The following DLG2 variants were observed in gnomAD, a reference collection of about 807,000 sequenced individuals.
DLG2 encodes disks large homolog 2.
In DLG2, 45 loss-of-function variants were observed where a neutral mutation model predicts 132.5. The ratio of observed to expected loss-of-function variants is 0.34; its 90% CI spans 0.27 to 0.44. DLG2 has a LOEUF of 0.44. Among genes scored for constraint, DLG2 ranks in the 20% least tolerant of loss-of-function variants. DLG2 has a pLI of 1.00. For missense variants in DLG2, 1,045 were observed against 1,196.9 expected (o/e 0.87, Z 1.87); for synonymous variants, 424 against 419.6 (o/e 1.01, Z -0.13).
At chr11:84,502,593 T>G (rs1485746897) in intron 7 of DLG2, among the ~76,000 whole-genome samples, 2 of 151,476 alleles carry the variant, frequency 1.3e-5, no homozygotes, top group East Asian at 3.9e-4. Flanking sequence ...AGATGGTGTT[T>G]CACCATGTTG....
At chr11:84,330,363 A>G (rs185258828) in intron 7 of DLG2, among the ~76,000 whole-genome samples, 34 of 152,320 alleles carry the variant, frequency 2.2e-4, no homozygotes, top group African/African-American at 7.2e-4. Context: ...CAGTATATTG[A>G]CTACTTACAA....
intron 18 of DLG2, among the ~76,000 whole-genome samples, chr11:83,646,387 A>AAGGG (rs1177100090): frequency 6.7e-6 from 1 of 149,678 alleles, no homozygotes; most frequent in African/African-American, 2.6e-5. Flanking sequence ...GGAAGGAAGG[A>AAGGG]AGGGAGGGAG....
chr11:84,591,419 G>A (rs1593138441), intron 6 of DLG2, among the ~76,000 whole-genome samples: 1 of 151,520 alleles, frequency 6.6e-6, no homozygotes, highest in African/African-American at 2.4e-5. Flanking sequence ...GTAATCCCAG[G>A]ACTTTGGGAG....
chr11:85,427,853 C>T (rs1047952890), intron 3 of DLG2, among the ~76,000 whole-genome samples: 1 of 152,144 alleles, frequency 6.6e-6, no homozygotes, highest in African/African-American at 2.4e-5. Flanking sequence ...AGAGTCAAGA[C>T]CCATCAGTGT....
At chr11:84,512,612 G>A (rs1183848560) in intron 7 of DLG2, among the ~76,000 whole-genome samples, 1 of 151,932 alleles carries the variant, frequency 6.6e-6, no homozygotes, top group African/African-American at 2.4e-5. Flanking sequence ...ACAGGATCCT[G>A]AAAGCAAAAG....
chr11:85,548,822 T>G (rs1416047461), intron 3 of DLG2, among the ~76,000 whole-genome samples: 1 of 152,118 alleles, frequency 6.6e-6, no homozygotes, highest in Non-Finnish European at 1.5e-5. Context: ...CCCTCAGCAA[T>G]GGTGGATGCC....
At position 84,518,880 on chromosome 11, in the gene DLG2, A is replaced by G. The variant is rs780226021; in HGVS notation, c.519+15690T>C. 3.3e-5 allele frequency among the ~76,000 whole-genome samples: 5 copies of G among 152,280 alleles called. No homozygotes were observed. The South Asian group carries it at 1.0e-3, about 32-fold the overall frequency. On this transcript the variant is annotated intron_variant, in intron 7 of 27. Transcript: ENST00000376104. ...CAGAATGACATTGGATGCTGAAGTG[A>G]AAAATACCAACCACATTTCTCTGAG...
At chr11:83,605,855 G>T (rs2059259542) in intron 19 of DLG2, among the ~76,000 whole-genome samples, 1 of 152,204 alleles carries the variant, frequency 6.6e-6, no homozygotes, top group Non-Finnish European at 1.5e-5. Flanking sequence ...TCAGCAGTCA[G>T]CATTTTTCTG....
At chr11:85,530,809 T>C (rs2075152351) in intron 3 of DLG2, among the ~76,000 whole-genome samples, 1 of 152,240 alleles carries the variant, frequency 6.6e-6, no homozygotes, top group Admixed American at 6.5e-5. Flanking sequence ...CCTGAGTCTA[T>C]TGGCCTAATG....
At chr11:85,147,136 T>C (rs2076919232) in intron 5 of DLG2, among the ~76,000 whole-genome samples, 1 of 152,216 alleles carries the variant, frequency 6.6e-6, no homozygotes, top group South Asian at 2.1e-4. Flanking sequence ...CTACCTTCTT[T>C]AGTGTCTCTT....
At chr11:85,187,701 G>A (rs962460666) in intron 4 of DLG2, among the ~76,000 whole-genome samples, 2 of 152,100 alleles carry the variant, frequency 1.3e-5, no homozygotes, top group Admixed American at 6.6e-5. Context: ...CAGTTTGCTA[G>A]TTCTATTAGG....
At chr11:84,599,725 A>T (rs1482626663) in intron 6 of DLG2, among the ~76,000 whole-genome samples, 1 of 152,102 alleles carries the variant, frequency 6.6e-6, no homozygotes, top group East Asian at 1.9e-4. Context: ...TTATGTATAC[A>T]TTCCGTAATT....
At chr11:84,525,757 A>T (rs2099318352) in intron 7 of DLG2, among the ~76,000 whole-genome samples, 1 of 152,156 alleles carries the variant, frequency 6.6e-6, no homozygotes, top group African/African-American at 2.4e-5. Flanking sequence ...TTACCTGTTC[A>T]TGCCCATCTC....
intron 5 of DLG2, among the ~76,000 whole-genome samples, chr11:85,122,823 T>C (rs1473296975): frequency 6.8e-6 from 1 of 147,414 alleles, no homozygotes; most frequent in Non-Finnish European, 1.5e-5. Flanking sequence ...ACATGCAAAT[T>C]ATATATATAT....
At chr11:83,883,480 C>A (rs1565483091) in intron 15 of DLG2, among the ~76,000 whole-genome samples, 1 of 152,032 alleles carries the variant, frequency 6.6e-6, no homozygotes, top group Non-Finnish European at 1.5e-5. Context: ...ATCTAAAAAT[C>A]CCACTCATCA....
chr11:85,171,452 G>A (rs749171269), intron 4 of DLG2, among the ~76,000 whole-genome samples: 40 of 152,182 alleles, frequency 2.6e-4, no homozygotes, highest in Non-Finnish European at 5.1e-4. Flanking sequence ...CCTTGGATCC[G>A]AAGCAGAGAG....
chr11:85,603,853 G>C (rs2080336251), intron 2 of DLG2, among the ~76,000 whole-genome samples: 1 of 152,062 alleles, frequency 6.6e-6, no homozygotes, highest in Non-Finnish European at 1.5e-5. Flanking sequence ...GGAGTTCGAG[G>C]CTTCAGTGGG....
intron 3 of DLG2, among the ~76,000 whole-genome samples, chr11:85,336,725 G>A (rs1380042559): frequency 6.6e-6 from 1 of 152,196 alleles, no homozygotes; most frequent in Non-Finnish European, 1.5e-5. Context: ...GCTGGGGCAG[G>A]CCCAGATGAG....
chr11:84,010,810 C>T (rs564666791), intron 11 of DLG2, among the ~76,000 whole-genome samples: 29 of 152,194 alleles, frequency 1.9e-4, no homozygotes, highest in African/African-American at 5.8e-4. Context: ...TAATTATGTG[C>T]TTGTGTCTTT....
Sources: allele counts gnomAD v4.1 joint callset (sites outside exome capture counted in the v4.1 genomes callset), GRCh38; gene constraint gnomAD v4.1.1; transcripts MANE v1.5; gene names NCBI Gene and HGNC (gene_info 2026-07-23, HGNC 2026-07-21).